The following ASXL3 variants were observed in gnomAD, a reference collection of about 807,000 sequenced individuals.
The protein encoded by ASXL3 is ASXL transcriptional regulator 3, also known as putative Polycomb group protein ASXL3.
ASXL3 carries 34 observed loss-of-function variants against 170.6 expected under a neutral mutation model. The observed-to-expected ratio is 0.20, with a 90% CI of 0.15 to 0.27. The LOEUF is 0.27. Ranked by LOEUF, ASXL3 falls within the 10% of genes least tolerant of loss-of-function variation. The pLI is 1.00. For missense variants in ASXL3, 2,592 were observed against 2,695.3 expected (o/e 0.96, Z 0.85); for synonymous variants, 1,002 against 989.1 (o/e 1.01, Z -0.24).
At chr18:33,591,788 A>G (rs1351950439) in intron 1 of ASXL3, among the ~76,000 whole-genome samples, 3 of 151,900 alleles carry the variant, frequency 2.0e-5, no homozygotes, top group Non-Finnish European at 2.9e-5. Flanking sequence ...ACTACAGGTG[A>G]CCACCACCAC....
intron 5 of ASXL3, 150 bp from the exon 6 acceptor site, chr18:33,670,523 T>C: frequency 1.8e-6 from 1 of 556,796 alleles, no homozygotes; most frequent in East Asian, 3.2e-5. Flanking sequence ...TGAAGGTAAC[T>C]ATTAAGAATC....
Position 33,740,211 on chromosome 18 carries a change from C to T in ASXL3, c.2807C>T (p.Thr936Ile), listed in dbSNP as rs778476089. ...KQGSTQSRLE[T>I]SHTSKSSEPS... ...GGGAGTACACAGAGTCGGTTAGAAA[C>T]CTCACATACTTCCAAGTCATCAGAG... The change falls in exon 11 of 12, where the codon ACC (threonine) becomes ATC (isoleucine). Residue 936 changes from threonine to isoleucine, a missense_variant. Thr to Ile is a moderately conservative substitution (Grantham distance 89). Coordinates refer to ENST00000269197, the MANE Select transcript of ASXL3 (RefSeq NM_030632.3). 5.6e-6 allele frequency: 9 copies of T among 1,613,762 alleles called. No individual in the cohort carries two copies. The highest frequency in any genetic ancestry group is 7.6e-6 in the Non-Finnish European group (9 of 1,179,814).
rs185893902 is a variant in ASXL3 at position 33,744,318 on chromosome 18, C to G, written c.4470C>G (p.Ser1490=). 1 of 1,613,848 alleles carries G rather than the reference C, an allele frequency of 6.2e-7. No homozygotes were observed. The highest frequency in any genetic ancestry group is 1.7e-5 in the Admixed American group (1 of 60,002). Residue 1490 remains serine (S), a synonymous_variant, in exon 12 of 12, where the codon TCC becomes TCG. Transcript: ENST00000269197. ...TLTSSLSLTV[S]VESSEASLDL... ...CCTCCAGTTTGTCTCTGACTGTCTC[C>G]GTTGAAAGCTCAGAAGCCAGCTTGG...
chr18:33,728,900 C>T (rs1454110889), intron 8 of ASXL3, among the ~76,000 whole-genome samples: 1 of 152,134 alleles, frequency 6.6e-6, no homozygotes, highest in Non-Finnish European at 1.5e-5. Context: ...ACGTTTCCCA[C>T]TACCTAGAGT....
intron 1 of ASXL3, among the ~76,000 whole-genome samples, chr18:33,593,127 T>C (rs1222798467): frequency 6.6e-6 from 1 of 152,142 alleles, no homozygotes; most frequent in African/African-American, 2.4e-5. Flanking sequence ...GGTTCCCAAG[T>C]TGAGACAAAT....
In ASXL3 at chr18:33,644,327, ATG is replaced by A. The variant is rs1185772545; in HGVS notation, c.138-565_138-564del. On this transcript the variant is annotated intron_variant, in intron 2 of 11. Coordinates refer to ENST00000269197, the MANE Select transcript of ASXL3 (RefSeq NM_030632.3). ...GGCTGTATCAGAGATAGAAACACAT[ATG>A]TACATTCTTATTTTGCCATGTGAGA... Among the ~76,000 whole-genome samples, 5 of 151,956 alleles carry A rather than the reference ATG, an allele frequency of 3.3e-5. No individual in the cohort carries two copies. The East Asian group carries it at 9.6e-4, about 29-fold the overall frequency.
At chr18:33,613,323 C>T (rs1256253424) in intron 2 of ASXL3, among the ~76,000 whole-genome samples, 1 of 152,090 alleles carries the variant, frequency 6.6e-6, no homozygotes, top group African/African-American at 2.4e-5. Flanking sequence ...GATTATTGCA[C>T]TATCTTCTTA....
At chr18:33,607,768 G>T in intron 2 of ASXL3, 92 bp downstream of exon 2, 1 of 941,746 alleles carries the variant, frequency 1.1e-6, no homozygotes, top group Non-Finnish European at 1.6e-6. Context: ...TTTTGATATT[G>T]TAGTTGATTG....
rs140454949 is a variant in ASXL3 at position 33,691,249 on chromosome 18, C to G, written c.879+7681C>G. 3.6e-3 allele frequency among the ~76,000 whole-genome samples: 554 copies of G among 152,316 alleles called. 2 individuals carry two copies. The highest frequency in any genetic ancestry group is 0.013 in the African/African-American group (532 of 41,568). On this transcript the variant is annotated intron_variant, in intron 8 of 11. Coordinates refer to ENST00000269197, the MANE Select transcript of ASXL3 (RefSeq NM_030632.3). ...GGATGTCCTCTCCATACAGTCCCCT[C>G]TCTGCCCGTGGTCTGATAAGCCCTG... is the stretch of plus-strand genomic sequence containing the variant.
chr18:33,727,530 A>G (rs892898134), intron 8 of ASXL3, among the ~76,000 whole-genome samples: 1 of 152,148 alleles, frequency 6.6e-6, no homozygotes, highest in African/African-American at 2.4e-5. Context: ...CTATGTGAGT[A>G]AGTTTTCTTT....
At chr18:33,699,441 T>G (rs1365452546) in intron 8 of ASXL3, among the ~76,000 whole-genome samples, 1 of 152,092 alleles carries the variant, frequency 6.6e-6, no homozygotes, top group Non-Finnish European at 1.5e-5. Flanking sequence ...AACTGGCAAA[T>G]GAAAGAATAG....
At chr18:33,724,794 C>T (rs951700423) in intron 8 of ASXL3, among the ~76,000 whole-genome samples, 12 of 152,152 alleles carry the variant, frequency 7.9e-5, no homozygotes, top group Middle Eastern at 3.4e-3. Flanking sequence ...TTTTGCAAAA[C>T]ACAATTTTGG....
chr18:33,667,938 A>G (rs1298566647), intron 5 of ASXL3, among the ~76,000 whole-genome samples: 5 of 152,222 alleles, frequency 3.3e-5, no homozygotes, highest in Non-Finnish European at 7.3e-5. Context: ...ATAAATAACA[A>G]AAAATGATAT....
chr18:33,673,702 A>G (rs1017888625), intron 7 of ASXL3, among the ~76,000 whole-genome samples: 4 of 152,130 alleles, frequency 2.6e-5, no homozygotes, highest in African/African-American at 9.7e-5. Context: ...CTTGAAGTCC[A>G]TGCTCAATGA....
chr18:33,590,893 A>G (rs1599373760), intron 1 of ASXL3, among the ~76,000 whole-genome samples: 1 of 152,194 alleles, frequency 6.6e-6, no homozygotes, highest in Admixed American at 6.5e-5. Flanking sequence ...ATCTTAACAC[A>G]CTAAAATATA....
Position 33,744,186 on chromosome 18 carries a change from G to A in ASXL3, c.4338G>A (p.Arg1446=), listed in dbSNP as rs1213246318. The A allele has an allele frequency of 1.2e-6, 2 of 1,613,906 alleles. No individual in the cohort carries two copies. Among genetic ancestry groups the A allele is most frequent in the South Asian group, 1.1e-5 (1 of 91,092 alleles). ...ACAAAAATTCAGGGCCTCGAAACAGGGCAGATAATTCTGGAAAACCTCAGC... is the reference window on the plus strand; with the variant it reads ...ACAAAAATTCAGGGCCTCGAAACAGAGCAGATAATTCTGGAAAACCTCAGC... The part of the protein sequence containing the change: ...SLDKNSGPRN[R]ADNSGKPQQP... The change falls in exon 12 of 12, where the codon AGG becomes AGA. Residue 1446 remains arginine, a synonymous_variant. Transcript: ENST00000269197.
At chr18:33,734,171 G>C (rs2067506170) in intron 9 of ASXL3, 139 bp from the exon 10 acceptor site, 1 of 442,642 alleles carries the variant, frequency 2.3e-6, no homozygotes, top group African/African-American at 2.9e-5. Context: ...AAAAAGAGAA[G>C]ATGTAGAAAT....
chr18:33,599,655 T>A (rs1006606173), intron 1 of ASXL3, among the ~76,000 whole-genome samples: 1 of 152,174 alleles, frequency 6.6e-6, no homozygotes, highest in Non-Finnish European at 1.5e-5. Flanking sequence ...ACAGTGTCCT[T>A]TTTTGCAGCA....
At chr18:33,722,561 A>G (rs1311054080) in intron 8 of ASXL3, among the ~76,000 whole-genome samples, 1 of 152,114 alleles carries the variant, frequency 6.6e-6, no homozygotes, top group Non-Finnish European at 1.5e-5. Flanking sequence ...AGAGGTGAAG[A>G]TGTGCTAGAA....
Sources: allele counts gnomAD v4.1 joint callset (sites outside exome capture counted in the v4.1 genomes callset), GRCh38; gene constraint gnomAD v4.1.1; transcripts MANE v1.5; gene names NCBI Gene and HGNC (gene_info 2026-07-23, HGNC 2026-07-21).